Variants in EYA1 observed in about 807,000 individuals in gnomAD.
EYA1 encodes the protein EYA transcriptional coactivator and phosphatase 1, also known as protein phosphatase EYA1.
In EYA1, 16 loss-of-function variants were observed where a neutral mutation model predicts 82.0. The ratio of observed to expected loss-of-function variants is 0.20; its 90% CI spans 0.13 to 0.30. EYA1 has a LOEUF of 0.30. Ranked by LOEUF, EYA1 falls within the 10% of genes least tolerant of loss-of-function variation. The pLI, the probability that EYA1 is intolerant of heterozygous loss-of-function variation, is 1.00. For synonymous variants in EYA1, 261 were observed against 264.4 expected (o/e 0.99, Z 0.12); for missense variants, 633 against 730.7 (o/e 0.87, Z 1.54).
intron 4 of EYA1, among the ~76,000 whole-genome samples, chr8:71,323,512 T>C (rs1046854240): frequency 2.0e-5 from 3 of 152,204 alleles, no homozygotes; most frequent in Non-Finnish European, 4.4e-5. Context: ...AGTCTTCAAA[T>C]CTATGAGTAA....
At chr8:71,537,336 A>G (rs1236871087) in intron 1 of EYA1, among the ~76,000 whole-genome samples, 4 of 152,226 alleles carry the variant, frequency 2.6e-5, no homozygotes, top group Admixed American at 1.3e-4. Flanking sequence ...AGAAAATATA[A>G]CACTTTATTT....
At chr8:71,454,126 C>G (rs1004335634) in intron 2 of EYA1, among the ~76,000 whole-genome samples, 24 of 152,134 alleles carry the variant, frequency 1.6e-4, no homozygotes, top group African/African-American at 5.6e-4. Flanking sequence ...CAATCCTAGT[C>G]TCTGATAAAA....
chr8:71,500,445 T>C (rs28696161), intron 2 of EYA1, among the ~76,000 whole-genome samples: 8,555 of 152,186 alleles, frequency 0.056, 836 homozygotes, highest in African/African-American at 0.19. Flanking sequence ...CTTCACTTTG[T>C]TGCAAGCACT....
At chr8:71,202,457 G>A (rs1432864678) in intron 17 of EYA1, among the ~76,000 whole-genome samples, 1 of 152,104 alleles carries the variant, frequency 6.6e-6, no homozygotes, top group Non-Finnish European at 1.5e-5. Context: ...CCCTAAGTTG[G>A]CTTGTTTACT....
intron 12 of EYA1, among the ~76,000 whole-genome samples, chr8:71,221,931 G>A (rs1338320324): frequency 6.6e-6 from 1 of 152,166 alleles, no homozygotes; most frequent in Non-Finnish European, 1.5e-5. Flanking sequence ...AAGGGTAAGG[G>A]GGGCAATGCA....
intron 2 of EYA1, among the ~76,000 whole-genome samples, chr8:71,500,619 T>C (rs1397699784): frequency 6.6e-6 from 1 of 152,174 alleles, no homozygotes; most frequent in East Asian, 1.9e-4. Flanking sequence ...AGCTGTCAAG[T>C]GACTAACAAT....
chr8:71,342,218 T>C (rs1310277268), intron 3 of EYA1, among the ~76,000 whole-genome samples: 7 of 152,174 alleles, frequency 4.6e-5, no homozygotes, highest in Non-Finnish European at 7.4e-5. Flanking sequence ...GTGGCTTCTC[T>C]ACCGACTCCA....
In EYA1 at chr8:71,399,954, T is replaced by G. The variant is rs538514039; in HGVS notation, c.34-43443A>C. ...TGGCTCTGGTATAAAAATCGACACA[T>G]GGACCAATGGAACAGAACAGAGATC... On this transcript the variant is annotated intron_variant, in intron 2 of 18. Coordinates refer to the EYA1 transcript ENST00000643681. 1.1e-4 allele frequency among the ~76,000 whole-genome samples: 17 copies of G among 152,206 alleles called. No homozygotes were observed. In the South Asian group the frequency reaches 2.3e-3, roughly 20 times the overall value.
intron 2 of EYA1, chr8:71,403,969 G>T (rs140875028): frequency 6.6e-6 from 1 of 152,072 alleles, no homozygotes; most frequent in African/African-American, 2.4e-5. Flanking sequence ...CTTGTTTTTC[G>T]TGACTTCAGA....
chr8:71,462,707 G>C (rs1021496687), intron 2 of EYA1, among the ~76,000 whole-genome samples: 1 of 152,212 alleles, frequency 6.6e-6, no homozygotes, highest in Admixed American at 6.5e-5. Context: ...TGGTGGGTGA[G>C]AGTGGCAACA....
intron 2 of EYA1, among the ~76,000 whole-genome samples, chr8:71,419,042 G>A (rs1191623855): frequency 6.6e-6 from 1 of 152,178 alleles, no homozygotes; most frequent in Non-Finnish European, 1.5e-5. Context: ...TGAGAAGTAA[G>A]GCCAGAGTAT....
intron 2 of EYA1, among the ~76,000 whole-genome samples, chr8:71,429,130 AT>A (rs1421926728): frequency 6.6e-6 from 1 of 152,206 alleles, no homozygotes; most frequent in African/African-American, 2.4e-5. Context: ...ATTAGAATAT[AT>A]AATTTATCCT....
intron 9 of EYA1, among the ~76,000 whole-genome samples, chr8:71,273,690 G>A (rs1007462393): frequency 5.3e-5 from 8 of 152,148 alleles, no homozygotes; most frequent in Admixed American, 3.9e-4. Flanking sequence ...AATATGTTTC[G>A]ATACCAAGCA....
At chr8:71,199,630 C>A (rs1806685642) in intron 17 of EYA1, among the ~76,000 whole-genome samples, 1 of 152,210 alleles carries the variant, frequency 6.6e-6, no homozygotes, top group Non-Finnish European at 1.5e-5. Flanking sequence ...AATCTAGAGT[C>A]TGTTTCTTTG....
At chr8:71,292,607 A>T (rs1458512644) in intron 9 of EYA1, among the ~76,000 whole-genome samples, 1 of 152,056 alleles carries the variant, frequency 6.6e-6, no homozygotes, top group Non-Finnish European at 1.5e-5. Context: ...GGGTAACTGT[A>T]ACTAATTATA....
intron 4 of EYA1, chr8:71,324,114 T>C (rs1475769188): frequency 6.6e-6 from 1 of 152,242 alleles, no homozygotes; most frequent in Non-Finnish European, 1.5e-5. Flanking sequence ...GTTTTTTGAA[T>C]TGTGGGTCAT....
intron 2 of EYA1, among the ~76,000 whole-genome samples, chr8:71,392,245 T>C (rs76656359): frequency 0.028 from 4,230 of 152,152 alleles, 188 homozygotes; most frequent in African/African-American, 0.094. Flanking sequence ...AAAGGAAAAC[T>C]CCTGAAGACT....
chr8:71,371,620 G>A lies in EYA1; in HGVS notation c.34-15109C>T, dbSNP rs149076732. On this transcript the variant is annotated intron_variant, in intron 2 of 18. Transcript: ENST00000643681. ...CAATTAAGAATTATGAAGAGTCTGAGGAAAGCTTCTCGAGAAATGTAGAAA... is the reference window on the plus strand; with the variant it reads ...CAATTAAGAATTATGAAGAGTCTGAAGAAAGCTTCTCGAGAAATGTAGAAA... Among the ~76,000 whole-genome samples the A allele has an allele frequency of 3.3e-5, 5 of 152,230 alleles. 1 individual carries two copies. Among genetic ancestry groups the A allele is most frequent in the Admixed American group, 2.6e-4 (4 of 15,288 alleles).
intron 3 of EYA1, among the ~76,000 whole-genome samples, chr8:71,335,939 T>C (rs3779748): frequency 0.34 from 51,612 of 152,024 alleles, 9,547 homozygotes; most frequent in East Asian, 0.72. Flanking sequence ...AAGATTAGAA[T>C]TAGGTGCCAT....
Sources: allele counts gnomAD v4.1 joint callset (sites outside exome capture counted in the v4.1 genomes callset), GRCh38; gene constraint gnomAD v4.1.1; transcripts MANE v1.5; gene names NCBI Gene and HGNC (gene_info 2026-07-23, HGNC 2026-07-21).